RGS6: variants seen among roughly 807,000 people sequenced by gnomAD.
RGS6 encodes the protein regulator of G protein signaling 6.
A neutral mutation model predicts 78.5 loss-of-function variants in RGS6; 30 were observed. The observed-to-expected ratio is 0.38, with a 90% confidence interval of 0.29 to 0.52. RGS6 has a LOEUF of 0.52. Among genes scored for constraint, RGS6 ranks in the 20% least tolerant of loss-of-function variants. The pLI is 0.85. For synonymous variants in RGS6, 206 were observed against 206.0 expected (o/e 1.00, Z 0.00); for missense variants, 495 against 609.7 (o/e 0.81, Z 1.98).
intron 3 of RGS6, among the ~76,000 whole-genome samples, chr14:72,435,010 T>G (rs1268259436): frequency 6.6e-6 from 1 of 152,206 alleles, no homozygotes; most frequent in African/African-American, 2.4e-5. Context: ...AGTGAGTTCT[T>G]TCTTTCAAAC....
At chr14:71,934,205 A>T (rs767599367) in intron 1 of RGS6, among the ~76,000 whole-genome samples, 5 of 152,232 alleles carry the variant, frequency 3.3e-5, no homozygotes, top group African/African-American at 1.2e-4. Context: ...CAAATCTCGC[A>T]TGCTATAGAT....
At chr14:72,420,805 T>C (rs995818192) in intron 3 of RGS6, among the ~76,000 whole-genome samples, 1 of 152,200 alleles carries the variant, frequency 6.6e-6, no homozygotes, top group African/African-American at 2.4e-5. Context: ...AATTAAGCAG[T>C]ATTCAGAACG....
At chr14:71,936,038 ATATG>A (rs1304425749) in intron 1 of RGS6, among the ~76,000 whole-genome samples, 1 of 139,552 alleles carries the variant, frequency 7.2e-6, no homozygotes. Context: ...ATATATATAT[ATATG>A]TACATATATA....
chr14:72,026,361 T>G (rs977075566), intron 2 of RGS6, among the ~76,000 whole-genome samples: 1 of 152,026 alleles, frequency 6.6e-6, no homozygotes, highest in Non-Finnish European at 1.5e-5. Context: ...GAGCTGAGAT[T>G]GTGCCACTGC....
chr14:72,279,320 A>G (rs544033596), intron 2 of RGS6, among the ~76,000 whole-genome samples: 120 of 152,152 alleles, frequency 7.9e-4, no homozygotes, highest in Non-Finnish European at 1.6e-3. Context: ...CAGGCCCAGA[A>G]ATGGAAGAAG....
intron 13 of RGS6, among the ~76,000 whole-genome samples, chr14:72,495,866 C>A (rs2096637970): frequency 6.6e-6 from 1 of 152,158 alleles, no homozygotes; most frequent in East Asian, 1.9e-4. Flanking sequence ...AGGGAAGCCA[C>A]TGTGTTTACT....
At chr14:72,063,208 G>T (rs1480795407) in intron 2 of RGS6, among the ~76,000 whole-genome samples, 5 of 152,188 alleles carry the variant, frequency 3.3e-5, no homozygotes, top group Admixed American at 2.0e-4. Flanking sequence ...ACAGTTAGAG[G>T]TTGAAGAGCT....
chr14:71,936,015 G>GAGATATATATATATATAT (rs751624395), intron 1 of RGS6, among the ~76,000 whole-genome samples: 105 of 63,740 alleles, frequency 1.6e-3, no homozygotes, highest in African/African-American at 4.9e-3. Context: ...GAACTAATAG[G>GAGATATATATATATATAT]ATATATATAT....
At chr14:72,484,097 C>T (rs1195125895) in intron 12 of RGS6, among the ~76,000 whole-genome samples, 1 of 152,204 alleles carries the variant, frequency 6.6e-6, no homozygotes, top group Non-Finnish European at 1.5e-5. Flanking sequence ...CTCTGTTGTG[C>T]ATCACAGTTC....
At chr14:72,591,151 T>C in the RGS6 span, among the ~76,000 whole-genome samples, 4 of 152,206 alleles carry the variant, frequency 2.6e-5, no homozygotes, top group Non-Finnish European at 5.9e-5. Flanking sequence ...ATACTCATCC[T>C]TTTTTCCAAA....
At chr14:72,237,175 A>C (rs570430892) in intron 2 of RGS6, among the ~76,000 whole-genome samples, 71 of 152,346 alleles carry the variant, frequency 4.7e-4, no homozygotes, top group African/African-American at 1.7e-3. Context: ...TGCATATGTC[A>C]GTAATCTGTA....
chr14:72,371,555 A>G (rs1596368336), intron 3 of RGS6, among the ~76,000 whole-genome samples: 1 of 152,150 alleles, frequency 6.6e-6, no homozygotes, highest in South Asian at 2.1e-4. Flanking sequence ...TGAGGTTGGG[A>G]GTTCGAGACC....
intron 2 of RGS6, among the ~76,000 whole-genome samples, chr14:72,155,031 G>A (rs1258475579): frequency 6.6e-6 from 1 of 152,196 alleles, no homozygotes; most frequent in Non-Finnish European, 1.5e-5. Flanking sequence ...CAATTTCACC[G>A]TTAGGTGGTT....
At chr14:72,517,349 C>T (rs1446628247) in intron 14 of RGS6, among the ~76,000 whole-genome samples, 2 of 152,146 alleles carry the variant, frequency 1.3e-5, no homozygotes, top group African/African-American at 4.8e-5. Flanking sequence ...TGTCCATGCA[C>T]AGGGCAAAGG....
chr14:72,275,414 A>G lies in RGS6; in HGVS notation c.85-76681A>G, dbSNP rs1268888845. Among the ~76,000 whole-genome samples, 3 of 152,206 alleles carry G rather than the reference A, an allele frequency of 2.0e-5. No homozygotes were observed. In the East Asian group the frequency reaches 5.8e-4, roughly 29 times the overall value. ...GAAGGGACTAAGTATACACTGGAAG[A>G]TTGGGTACGAAGATCAAAAGACAGC... On this transcript the variant is annotated intron_variant, in intron 2 of 17. Coordinates refer to ENST00000553525, the MANE Select transcript of RGS6 (RefSeq NM_001204424.2).
At chr14:72,344,492 A>G (rs2077614514) in intron 2 of RGS6, among the ~76,000 whole-genome samples, 1 of 152,192 alleles carries the variant, frequency 6.6e-6, no homozygotes. Context: ...GTAAATACTA[A>G]ATTTACTGTA....
In RGS6 at chr14:72,564,701, TC is replaced by T. The variant is rs2097701716; in HGVS notation, c.*2235del. 6.6e-6 allele frequency: 1 copy of T among 152,302 alleles called. No homozygotes were observed. The highest frequency in any genetic ancestry group is 1.5e-5 in the Non-Finnish European group (1 of 68,114). The allele number at this position is 152,302 out of a possible 1,614,324, so 9.4% of individuals were successfully genotyped here. A position where few individuals can be genotyped will look rare whatever the true frequency, so the allele number is the denominator to read the frequency against. On this transcript the variant is annotated 3_prime_UTR_variant, in exon 18 of 18. Transcript: ENST00000553525. Reference sequence around the variant, plus strand: ...CAGGGTTGGCTTCTTGGCCATTCCCTCTGTGCCCCCTTCTCCTTCTGACTGG... The same window carrying T: ...CAGGGTTGGCTTCTTGGCCATTCCCTTGTGCCCCCTTCTCCTTCTGACTGG...
chr14:72,350,948 ATGT>A, intron 2 of RGS6, among the ~76,000 whole-genome samples: 1 of 152,290 alleles, frequency 6.6e-6, no homozygotes, highest in Middle Eastern at 3.4e-3. Flanking sequence ...GATGATGATG[ATGT>A]TATGCCGTGC....
intron 4 of RGS6, among the ~76,000 whole-genome samples, chr14:72,454,887 C>G (rs897493664): frequency 6.6e-6 from 1 of 152,240 alleles, no homozygotes; most frequent in African/African-American, 2.4e-5. Flanking sequence ...AGCACTGTCA[C>G]TGAACAGCCT....
Sources: gnomAD v4.1 joint callset for allele counts (sites outside exome capture counted in the v4.1 genomes callset) on GRCh38, gnomAD v4.1.1 for gene constraint, MANE v1.5 for transcripts, NCBI Gene and HGNC (gene_info 2026-07-23, HGNC 2026-07-21) for gene names.